The following SMCHD1 variants were observed in gnomAD, a reference collection of about 807,000 sequenced individuals.
The protein encoded by SMCHD1 is structural maintenance of chromosomes flexible hinge domain-containing protein 1.
In SMCHD1, 78 loss-of-function variants were observed where a neutral mutation model predicts 254.7. The observed-to-expected ratio is 0.31, with a 90% CI of 0.26 to 0.37. The LOEUF (loss-of-function observed/expected upper bound fraction) is 0.37, where lower values mean the gene tolerates loss of function less well. Among genes scored for constraint, SMCHD1 ranks in the 10% least tolerant of loss-of-function variants. SMCHD1 has a pLI of 1.00. For missense variants in SMCHD1, 1,840 were observed against 2,408.1 expected, an observed-to-expected ratio of 0.76 and a Z score of 4.94; for synonymous variants, 766 against 794.9, an observed-to-expected ratio of 0.96 and a Z score of 0.61.
chr18:2,772,482 C>G (rs1568359003), intron 41 of SMCHD1, 110 bp downstream of exon 41: 1 of 935,736 alleles, frequency 1.1e-6, no homozygotes, highest in Admixed American at 3.4e-5. Flanking sequence ...TAATTTACTT[C>G]TTTCCAATAA....
chr18:2,700,509 C>G (rs530000144), intron 10 of SMCHD1, 30 bp from the exon 11 acceptor site: 5 of 1,575,136 alleles, frequency 3.2e-6, no homozygotes, highest in Admixed American at 1.9e-5. Flanking sequence ...TAGCAATAAA[C>G]ATTTTGTTCC....
At chr18:2,691,861 C>T (rs1326426690) in intron 7 of SMCHD1, 1 of 152,256 alleles carries the variant, frequency 6.6e-6, no homozygotes, top group African/African-American at 2.4e-5. Context: ...AATGATCTCA[C>T]TGCCACAATT....
At chr18:2,727,046 T>G (rs2075040498) in intron 22 of SMCHD1, 1 of 152,530 alleles carries the variant, frequency 6.6e-6, no homozygotes, top group South Asian at 2.1e-4. Flanking sequence ...GTTCTATGCC[T>G]CAGTTTCTTC....
In SMCHD1 at chr18:2,778,208, A is replaced by G. The variant is rs1360964402; in HGVS notation, c.5516A>G (p.Asn1839Ser). 6.2e-7 allele frequency: 1 copy of G among 1,610,188 alleles called. No individual in the cohort carries two copies. The highest frequency in any genetic ancestry group is 8.5e-7 in the Non-Finnish European group (1 of 1,177,846). The change falls in exon 44 of 48, where the codon AAT becomes AGT. Residue 1839 changes from asparagine to serine, a missense_variant. By Grantham distance (46) the Asn-to-Ser change is conservative. Transcript: ENST00000320876. ...MLLGDTIILD[N>S]LDAANHYRKE... ...TTAGGAGACACCATTATTTTGGATA[A>G]TCTGGATGCGGCCAATCATTATAGA...
chr18:2,686,985 A>C (rs1002397478), intron 5 of SMCHD1, among the ~76,000 whole-genome samples: 1 of 151,636 alleles, frequency 6.6e-6, no homozygotes, highest in African/African-American at 2.4e-5. Flanking sequence ...TTTTCTTTTT[A>C]ATATTTTAGA....
At chr18:2,757,602 A>G (rs935685582) in intron 34 of SMCHD1, among the ~76,000 whole-genome samples, 1 of 152,018 alleles carries the variant, frequency 6.6e-6, no homozygotes, top group African/African-American at 2.4e-5. Context: ...AATTTAGTTT[A>G]CCCTGTATGA....
At chr18:2,700,478 G>A in intron 10 of SMCHD1, 61 bp from the exon 11 acceptor site, 1 of 1,498,756 alleles carries the variant, frequency 6.7e-7, no homozygotes, top group Non-Finnish European at 9.0e-7. Flanking sequence ...TTATGTGTTT[G>A]TTTCATTATT....
chr18:2,772,496 A>T, intron 41 of SMCHD1, 124 bp downstream of exon 41: 1 of 750,238 alleles, frequency 1.3e-6, no homozygotes, highest in Non-Finnish European at 2.0e-6. Context: ...CCAATAAAGT[A>T]CCTGCTCTCA....
intron 15 of SMCHD1, among the ~76,000 whole-genome samples, chr18:2,706,744 T>G (rs2074524119): frequency 6.6e-6 from 1 of 152,202 alleles, no homozygotes; most frequent in Non-Finnish European, 1.5e-5. Context: ...AAAACTCAGT[T>G]TGGCCTACAA....
chr18:2,729,952 A>G (rs1484017416), intron 24 of SMCHD1, among the ~76,000 whole-genome samples: 3 of 152,150 alleles, frequency 2.0e-5, no homozygotes, highest in African/African-American at 7.2e-5. Context: ...GTCCACAAGC[A>G]GTCTTCCCAC....
At chr18:2,748,065 T>C (rs1238606853) in intron 30 of SMCHD1, among the ~76,000 whole-genome samples, 1 of 152,208 alleles carries the variant, frequency 6.6e-6, no homozygotes, top group African/African-American at 2.4e-5. Flanking sequence ...ACCTATCCTC[T>C]ACTTATCTTA....
chr18:2,684,520 T>C (rs1334621938), intron 5 of SMCHD1, among the ~76,000 whole-genome samples: 1 of 152,194 alleles, frequency 6.6e-6, no homozygotes, highest in East Asian at 1.9e-4. Flanking sequence ...TTTTACGCTA[T>C]AGATATTTGT....
chr18:2,757,890 AT>A (rs887942885), intron 34 of SMCHD1, among the ~76,000 whole-genome samples: 4 of 151,572 alleles, frequency 2.6e-5, no homozygotes, highest in African/African-American at 9.7e-5. Flanking sequence ...TATTATTATT[AT>A]TTTTTTCTTG....
chr18:2,695,805 A>G (rs575115606), intron 8 of SMCHD1, among the ~76,000 whole-genome samples: 2 of 152,294 alleles, frequency 1.3e-5, no homozygotes, highest in South Asian at 4.1e-4. Flanking sequence ...ATTATACGCT[A>G]AGAGAATTTT....
chr18:2,776,154 ATACAT>A (rs1303948587), intron 42 of SMCHD1, among the ~76,000 whole-genome samples: 3 of 152,250 alleles, frequency 2.0e-5, no homozygotes, highest in Non-Finnish European at 4.4e-5. Context: ...ACACAAAAAC[ATACAT>A]TACATGTATA....
intron 1 of SMCHD1, among the ~76,000 whole-genome samples, chr18:2,656,858 C>T (rs1250900635): frequency 6.6e-6 from 1 of 152,178 alleles, no homozygotes; most frequent in Non-Finnish European, 1.5e-5. Context: ...TAGAGCTGGC[C>T]TTCTGCCTGT....
At position 2,784,622 on chromosome 18, in the gene SMCHD1, G is replaced by GT; in HGVS notation, c.5719+2dup. ...TGTCTGATCTTAGGGGAACAAATAG[G>GT]TAAGTTGAATAAGTACTTAAATAGC... On this transcript the variant is annotated splice_donor_variant, in intron 45 of 47. Transcript: ENST00000320876. LOFTEE classifies it high-confidence loss of function. 1 of 1,571,412 alleles carries GT rather than the reference G, an allele frequency of 6.4e-7. No individual in the cohort carries two copies. Among genetic ancestry groups the GT allele is most frequent in the Non-Finnish European group, 8.6e-7 (1 of 1,164,496 alleles).
At chr18:2,725,443 T>G (rs2075008285) in intron 21 of SMCHD1, among the ~76,000 whole-genome samples, 1 of 151,912 alleles carries the variant, frequency 6.6e-6, no homozygotes, top group African/African-American at 2.4e-5. Flanking sequence ...AGGAAGTGTT[T>G]GGTGAGAGAT....
chr18:2,708,907 T>TATATATATATATATGTATAA (rs769432583), intron 17 of SMCHD1, among the ~76,000 whole-genome samples: 1 of 44,702 alleles, frequency 2.2e-5, no homozygotes, highest in Non-Finnish European at 4.0e-5. Flanking sequence ...TATATATATA[T>TATATATATATATATGTATAA]AACATATTAA....
Sources: allele counts gnomAD v4.1 joint callset (sites outside exome capture counted in the v4.1 genomes callset), GRCh38; gene constraint gnomAD v4.1.1; transcripts MANE v1.5; gene names NCBI Gene and HGNC (gene_info 2026-07-23, HGNC 2026-07-21).